Variants in GRIN2A observed in about 807,000 individuals in gnomAD.
GRIN2A encodes glutamate receptor ionotropic, NMDA 2A.
In GRIN2A, 22 loss-of-function variants were observed where a neutral mutation model predicts 113.4. The ratio of observed to expected loss-of-function variants is 0.19; its 90% CI spans 0.14 to 0.28. The LOEUF (loss-of-function observed/expected upper bound fraction) is 0.28, where lower values mean the gene tolerates loss of function less well. GRIN2A is among the 10% of genes least tolerant of loss of function. The probability of loss-of-function intolerance (pLI) is 1.00; values close to 1 mark genes in which losing one functional copy is unlikely to be tolerated. For missense variants in GRIN2A, 1,502 were observed against 1,887.0 expected (o/e 0.80, Z 3.78); for synonymous variants, 827 against 738.4 (o/e 1.12, Z -1.94).
chr16:10,115,669 A>G (rs1460018167), intron 2 of GRIN2A, among the ~76,000 whole-genome samples: 2 of 152,178 alleles, frequency 1.3e-5, no homozygotes, highest in Admixed American at 6.5e-5. Context: ...CTGAGACCCA[A>G]CTTGGCTTCC....
intron 2 of GRIN2A, among the ~76,000 whole-genome samples, chr16:9,951,849 G>A (rs2045191857): frequency 6.6e-6 from 1 of 152,122 alleles, no homozygotes; most frequent in Non-Finnish European, 1.5e-5. Context: ...CTGGTTGCAG[G>A]CGAGAGCCCA....
chr16:10,160,208 T>C (rs1440007736), intron 2 of GRIN2A, among the ~76,000 whole-genome samples: 1 of 152,216 alleles, frequency 6.6e-6, no homozygotes, highest in Non-Finnish European at 1.5e-5. Flanking sequence ...ACTCACTATT[T>C]TGTTTGAACA....
chr16:10,118,107 T>C (rs2048763192), intron 2 of GRIN2A, among the ~76,000 whole-genome samples: 1 of 152,186 alleles, frequency 6.6e-6, no homozygotes, highest in Non-Finnish European at 1.5e-5. Flanking sequence ...GTGGCTGGTG[T>C]TATCTTTGCC....
chr16:9,764,510 G>T lies in GRIN2A; in HGVS notation c.3034C>A (p.Gln1012Lys). Residue 1012 changes from glutamine to lysine, a missense_variant, in exon 13 of 13, where the codon CAG becomes AAG. By Grantham distance (53) the Gln-to-Lys change is moderately conservative. Transcript: ENST00000330684. Reference protein sequence around the residue: ...TESKANSRPRQLWKKSVDSIR... With the variant: ...TESKANSRPRKLWKKSVDSIR... The stretch of plus-strand genomic sequence containing the variant: ...GAATCCACGGATTTCTTCCACAGCT[G>T]CCGGGGTCTAGAGTTCGCTTTGGAT... 6.2e-7 allele frequency: 1 copy of T among 1,614,080 alleles called. No individual in the cohort carries two copies. The highest frequency in any genetic ancestry group is 8.5e-7 in the Non-Finnish European group (1 of 1,179,986).
chr16:9,767,850 TTG>T (rs1410280002), intron 12 of GRIN2A, among the ~76,000 whole-genome samples: 1 of 152,186 alleles, frequency 6.6e-6, no homozygotes, highest in African/African-American at 2.4e-5. Flanking sequence ...CACATGCTCT[TTG>T]TGTTTTATTA....
chr16:10,170,121 T>C (rs2050011222), intron 2 of GRIN2A, among the ~76,000 whole-genome samples: 1 of 152,160 alleles, frequency 6.6e-6, no homozygotes, highest in South Asian at 2.1e-4. Flanking sequence ...TCTAAAGACA[T>C]TAAAATTCAA....
rs541218416 is a variant in GRIN2A, at chr16:10,027,159, G to T, written c.415-88608C>A. Among the ~76,000 whole-genome samples the T allele has an allele frequency of 7.2e-5, 11 of 152,314 alleles. No homozygotes were observed. In the South Asian group the frequency reaches 2.3e-3, roughly 32 times the overall value. ...GCACAGCCCATTGAAGGCTCAAGTAGCATTTGTTACATGAGAAAATAAGTT... is the reference window on the plus strand; with the variant it reads ...GCACAGCCCATTGAAGGCTCAAGTATCATTTGTTACATGAGAAAATAAGTT... On this transcript the variant is annotated intron_variant, in intron 2 of 12. Coordinates refer to ENST00000330684, the MANE Select transcript of GRIN2A (RefSeq NM_001134407.3).
At chr16:10,032,663 C>A (rs1002868553) in intron 2 of GRIN2A, among the ~76,000 whole-genome samples, 7 of 152,152 alleles carry the variant, frequency 4.6e-5, no homozygotes, top group Non-Finnish European at 1.0e-4. Context: ...AGTAGGCACA[C>A]CCCTAGAAAG....
chr16:9,765,546 C>A (rs529511467), intron 12 of GRIN2A, among the ~76,000 whole-genome samples: 3 of 152,160 alleles, frequency 2.0e-5, no homozygotes, highest in Non-Finnish European at 4.4e-5. Context: ...TGAGGCTCAT[C>A]ATACTCTTTG....
At chr16:9,959,724 A>C (rs1180982671) in intron 2 of GRIN2A, among the ~76,000 whole-genome samples, 1 of 152,216 alleles carries the variant, frequency 6.6e-6, no homozygotes, top group Admixed American at 6.5e-5. Context: ...CTGTAATCCT[A>C]ACACTTTGGG....
intron 4 of GRIN2A, among the ~76,000 whole-genome samples, chr16:9,855,378 C>A (rs76678053): frequency 6.6e-6 from 1 of 152,184 alleles, no homozygotes; most frequent in Non-Finnish European, 1.5e-5. Flanking sequence ...GGTCTCCATA[C>A]GTGGAACTAT....
intron 2 of GRIN2A, among the ~76,000 whole-genome samples, chr16:10,071,451 T>C (rs1362705381): frequency 6.6e-6 from 1 of 152,218 alleles, no homozygotes; most frequent in Non-Finnish European, 1.5e-5. Flanking sequence ...AATTTGGGCA[T>C]GTATCTCTTC....
rs375443561 is a variant in GRIN2A at position 9,840,600 on chromosome 16, C to T, written c.1651+47G>A. 3.2e-6 allele frequency: 5 copies of T among 1,572,964 alleles called. No homozygotes were observed. The African/African-American group carries it at 6.8e-5, about 21-fold the overall frequency. On this transcript the variant is annotated intron_variant, in intron 7 of 12. Transcript: ENST00000330684. ...CCATCCTCTGAGCAAACAAGATTTC[C>T]TACAATTCCTTATAGGAAAGCAATA...
At chr16:10,176,255 T>C (rs1380076725) in intron 2 of GRIN2A, among the ~76,000 whole-genome samples, 3 of 152,168 alleles carry the variant, frequency 2.0e-5, no homozygotes, top group African/African-American at 7.2e-5. Flanking sequence ...TCCACCCGCC[T>C]TGGCCTCCCA....
chr16:9,935,014 G>A (rs11861152), intron 3 of GRIN2A, among the ~76,000 whole-genome samples: 28,656 of 151,976 alleles, frequency 0.19, 2,891 homozygotes, highest in Middle Eastern at 0.27. Flanking sequence ...GTTTAAAGGC[G>A]TAACTTTGGG....
At chr16:9,901,267 G>GC (rs755844061) in intron 3 of GRIN2A, among the ~76,000 whole-genome samples, 8 of 152,072 alleles carry the variant, frequency 5.3e-5, no homozygotes, top group Non-Finnish European at 8.8e-5. Context: ...TTGATGATGA[G>GC]CCCTACTTTG....
At chr16:10,067,848 G>A (rs560319034) in intron 2 of GRIN2A, among the ~76,000 whole-genome samples, 19 of 152,216 alleles carry the variant, frequency 1.2e-4, no homozygotes, top group South Asian at 6.2e-4. Flanking sequence ...CCTGCAATGC[G>A]TATTATATCC....
chr16:10,081,224 C>T lies in GRIN2A; in HGVS notation c.414+98774G>A, dbSNP rs909589128. ...TTCCCACACTTATTCTAAGGGACAG[C>T]CAGCTAGGATGGAGTGGGAGCTGAT... On this transcript the variant is annotated intron_variant, in intron 2 of 12. Coordinates refer to ENST00000330684, the MANE Select transcript of GRIN2A (RefSeq NM_001134407.3). Among the ~76,000 whole-genome samples, 4 of 152,294 alleles carry T rather than the reference C, an allele frequency of 2.6e-5. No homozygotes were observed. The East Asian group carries it at 5.8e-4, about 22-fold the overall frequency.
intron 2 of GRIN2A, among the ~76,000 whole-genome samples, chr16:10,145,064 A>G (rs968869288): frequency 6.6e-6 from 1 of 152,076 alleles, no homozygotes; most frequent in East Asian, 1.9e-4. Context: ...CCATTCTGCT[A>G]TGTGAAATAA....
Sources: allele counts gnomAD v4.1 joint callset (sites outside exome capture counted in the v4.1 genomes callset), GRCh38; gene constraint gnomAD v4.1.1; transcripts MANE v1.5; gene names NCBI Gene and HGNC (gene_info 2026-07-23, HGNC 2026-07-21).